Variants in TUSC3 observed in about 807,000 individuals in gnomAD.
The protein encoded by TUSC3 is tumor suppressor candidate 3.
A neutral mutation model predicts 44.8 loss-of-function variants in TUSC3; 45 were observed. The observed-to-expected ratio is 1.00, with a 90% CI of 0.79 to 1.29. The LOEUF (loss-of-function observed/expected upper bound fraction) is 1.29, where lower values mean the gene tolerates loss of function less well. Among genes scored for constraint, TUSC3 ranks in the 50% most tolerant of loss-of-function variants. The probability of loss-of-function intolerance (pLI) is 0.00; values close to 1 mark genes in which losing one functional copy is unlikely to be tolerated. For synonymous variants in TUSC3, 212 were observed against 152.9 expected (o/e 1.39, Z -2.85); for missense variants, 519 against 437.9 (o/e 1.19, Z -1.65).
chr8:15,689,345 G>C (rs1808787729), intron 6 of TUSC3: 1 of 255,156 alleles, frequency 3.9e-6, no homozygotes, highest in African/African-American at 2.3e-5. Context: ...ACAGCATCTG[G>C]ACTCCCAGCT....
At chr8:15,648,552 C>G (rs1350622977) in intron 2 of TUSC3, among the ~76,000 whole-genome samples, 3 of 151,462 alleles carry the variant, frequency 2.0e-5, no homozygotes, top group Non-Finnish European at 4.4e-5. Context: ...CGGTGAAACC[C>G]TGTTTCTACT....
chr8:15,769,992 G>A (rs1812412769), downstream of TUSC3, among the ~76,000 whole-genome samples: 1 of 152,188 alleles, frequency 6.6e-6, no homozygotes, highest in African/African-American at 2.4e-5. Flanking sequence ...AACCATTGTG[G>A]AAGACAGTGT....
chr8:15,708,708 C>G (rs138733968), intron 6 of TUSC3, among the ~76,000 whole-genome samples: 1 of 151,858 alleles, frequency 6.6e-6, no homozygotes, highest in Non-Finnish European at 1.5e-5. Flanking sequence ...TTTAATAATG[C>G]TTTCTGTCTA....
chr8:15,621,112 C>G (rs2129163365), intron 1 of TUSC3, among the ~76,000 whole-genome samples: 1 of 151,964 alleles, frequency 6.6e-6, no homozygotes, highest in South Asian at 2.1e-4. Flanking sequence ...GATTACCCTG[C>G]TTGATTTCCA....
the TUSC3 span, among the ~76,000 whole-genome samples, chr8:15,799,436 G>C: frequency 6.6e-6 from 1 of 152,154 alleles, no homozygotes; most frequent in Non-Finnish European, 1.5e-5. Flanking sequence ...CAGTGCACCG[G>C]ATTGACCACC....
chr8:15,715,466 G>C (rs1563186929), intron 6 of TUSC3, among the ~76,000 whole-genome samples: 1 of 152,140 alleles, frequency 6.6e-6, no homozygotes, highest in African/African-American at 2.4e-5. Context: ...AGCATGTACA[G>C]TGTGGATATG....
chr8:15,472,161 C>G (rs979511275), intron 1 of TUSC3, among the ~76,000 whole-genome samples: 1 of 152,140 alleles, frequency 6.6e-6, no homozygotes, highest in Non-Finnish European at 1.5e-5. Context: ...CTGGAATTGA[C>G]CTGTTTCAAA....
At chr8:15,459,581 C>T (rs1800312737) in intron 1 of TUSC3, among the ~76,000 whole-genome samples, 1 of 152,054 alleles carries the variant, frequency 6.6e-6, no homozygotes, top group South Asian at 2.1e-4. Context: ...AAGCAGTATA[C>T]ACTGCACCCT....
chr8:15,795,267 A>G, the TUSC3 span, among the ~76,000 whole-genome samples: 1 of 152,102 alleles, frequency 6.6e-6, no homozygotes, highest in African/African-American at 2.4e-5. Flanking sequence ...ATTTGCAAAG[A>G]CCCTGCCTTG....
the TUSC3 span, among the ~76,000 whole-genome samples, chr8:15,798,286 A>T: frequency 1.0e-3 from 158 of 152,278 alleles, no homozygotes; most frequent in African/African-American, 3.6e-3. Flanking sequence ...CAACCTCATG[A>T]GCTGAATCTA....
At chr8:15,505,770 T>C (rs1363607768) in intron 2 of TUSC3, among the ~76,000 whole-genome samples, 2 of 152,214 alleles carry the variant, frequency 1.3e-5, no homozygotes, top group Non-Finnish European at 2.9e-5. Context: ...CTGTTTTTTT[T>C]AGTTTTAAAC....
chr8:15,802,146 G>C, the TUSC3 span, among the ~76,000 whole-genome samples: 1 of 152,146 alleles, frequency 6.6e-6, no homozygotes, highest in Non-Finnish European at 1.5e-5. Context: ...GGATGCCCGA[G>C]ACTTTGGTTT....
chr8:15,661,546 A>G (rs10089584), intron 4 of TUSC3, among the ~76,000 whole-genome samples: 4,903 of 152,024 alleles, frequency 0.032, 238 homozygotes, highest in African/African-American at 0.11. Flanking sequence ...TAGGCACGTA[A>G]TGTCCATCTG....
At chr8:15,843,970 G>A in the TUSC3 span, among the ~76,000 whole-genome samples, 1 of 152,062 alleles carries the variant, frequency 6.6e-6, no homozygotes, top group South Asian at 2.1e-4. Flanking sequence ...TTGGGAGATA[G>A]AAGGAAAATC....
At chr8:15,818,902 G>C in the TUSC3 span, among the ~76,000 whole-genome samples, 1 of 152,092 alleles carries the variant, frequency 6.6e-6, no homozygotes, top group Admixed American at 6.5e-5. Context: ...CCTTGTCCTT[G>C]TAATAAGACA....
intron 6 of TUSC3, among the ~76,000 whole-genome samples, chr8:15,709,115 G>C (rs894185238): frequency 1.3e-5 from 2 of 151,888 alleles, no homozygotes; most frequent in African/African-American, 2.4e-5. Context: ...GACTAGAAGA[G>C]AGAGGATAGC....
chr8:15,812,272 A>G, the TUSC3 span, among the ~76,000 whole-genome samples: 1 of 152,224 alleles, frequency 6.6e-6, no homozygotes, highest in South Asian at 2.1e-4. Context: ...AAAGAATCAC[A>G]AACAGAAAAC....
intron 2 of TUSC3, among the ~76,000 whole-genome samples, chr8:15,528,644 G>A (rs1025234488): frequency 1.3e-5 from 2 of 152,152 alleles, no homozygotes; most frequent in Non-Finnish European, 2.9e-5. Flanking sequence ...CCTGGCTTCT[G>A]TAGAACACTT....
intron 2 of TUSC3, among the ~76,000 whole-genome samples, chr8:15,503,982 C>G (rs530999150): frequency 6.7e-5 from 10 of 149,236 alleles, no homozygotes; most frequent in Admixed American, 2.7e-4. Context: ...CCACTGCTCT[C>G]CAGCCTGGGC....
Sources: allele counts gnomAD v4.1 joint callset (sites outside exome capture counted in the v4.1 genomes callset), GRCh38; gene constraint gnomAD v4.1.1; transcripts MANE v1.5; gene names NCBI Gene and HGNC (gene_info 2026-07-23, HGNC 2026-07-21).